Variants in C2CD3 observed in about 807,000 individuals in gnomAD.
C2CD3 encodes the protein C2 domain containing 3 centriole elongation regulator, also known as C2 domain-containing protein 3.
C2CD3 carries 148 observed loss-of-function variants against 234.0 expected under a neutral mutation model. That is an observed-to-expected ratio of 0.63 (90% confidence interval 0.55 to 0.72). The LOEUF (loss-of-function observed/expected upper bound fraction) is 0.72, where lower values mean the gene tolerates loss of function less well. Among genes scored for constraint, C2CD3 ranks in the 30% least tolerant of loss-of-function variants. C2CD3 has a pLI of 0.00. For missense variants in C2CD3, 2,577 were observed against 2,811.5 expected (o/e 0.92, Z 1.89); for synonymous variants, 1,000 against 1,035.4 (o/e 0.97, Z 0.66).
chr11:74,077,982 A>G, intron 23 of C2CD3, 133 bp downstream of exon 23: 3 of 1,054,426 alleles, frequency 2.8e-6, no homozygotes, highest in Non-Finnish European at 4.0e-6. Flanking sequence ...ATGAATGTAA[A>G]ATGGGTATAA....
chr11:74,021,292 G>A (rs548497227), intron 32 of C2CD3, among the ~76,000 whole-genome samples: 57 of 152,186 alleles, frequency 3.7e-4, no homozygotes, highest in Non-Finnish European at 7.4e-4. Context: ...CCCCCCTCCA[G>A]AGTTCAGCTG....
chr11:74,147,363 GTCATGATCTAACCACTGCAT>G (rs1378821238), intron 3 of C2CD3, among the ~76,000 whole-genome samples: 1 of 152,072 alleles, frequency 6.6e-6, no homozygotes, highest in African/African-American at 2.4e-5. Flanking sequence ...GCTGCAGTGA[GTCATGATCTAACCACTGCAT>G]TCCAGCTTGG....
At chr11:74,055,983 G>C (rs1565235725) in intron 25 of C2CD3, among the ~76,000 whole-genome samples, 1 of 152,180 alleles carries the variant, frequency 6.6e-6, no homozygotes, top group African/African-American at 2.4e-5. Context: ...TCAGTCCTCT[G>C]GTTTCCTGCC....
Position 74,139,758 on chromosome 11 carries a change from G to C in C2CD3, c.554C>G (p.Thr185Arg), listed in dbSNP as rs1285022120. The C allele has an allele frequency of 2.5e-6, 4 of 1,613,612 alleles. No individual in the cohort carries two copies. Among genetic ancestry groups the C allele is most frequent in the Non-Finnish European group, 3.4e-6 (4 of 1,179,670 alleles). ...CTGCTTAGATAAAAGCACATTTTCT[G>C]TCATGTCAGTGGTAGGAAGTGGATG... ...SYHPLPTTDM[T>R]ENVLLSKQGF... The change falls in exon 4 of 33, where the codon ACA becomes AGA. Residue 185 changes from threonine (T) to arginine (R), a missense_variant. Coordinates refer to ENST00000334126, the MANE Select transcript of C2CD3 (RefSeq NM_001286577.2).
At chr11:74,079,672 TG>T (rs2135467401) in intron 22 of C2CD3, among the ~76,000 whole-genome samples, 1 of 151,918 alleles carries the variant, frequency 6.6e-6, no homozygotes, top group Admixed American at 6.6e-5. Flanking sequence ...GATGAGAAAG[TG>T]GAAGCTCAGA....
At chr11:74,133,011 C>T in intron 6 of C2CD3, 39 bp from the exon 7 acceptor site, 6 of 1,602,058 alleles carry the variant, frequency 3.7e-6, no homozygotes, top group Non-Finnish European at 5.1e-6. Flanking sequence ...GAGTGGCTAA[C>T]AGATGGAAAA....
chr11:74,063,196 G>C (rs1288289942), intron 24 of C2CD3, among the ~76,000 whole-genome samples: 1 of 152,120 alleles, frequency 6.6e-6, no homozygotes, highest in Non-Finnish European at 1.5e-5. Flanking sequence ...ATCTACCAGA[G>C]GTACAAAGAG....
chr11:74,166,750 T>A (rs1215918652), intron 2 of C2CD3, among the ~76,000 whole-genome samples: 1 of 152,242 alleles, frequency 6.6e-6, no homozygotes, highest in Admixed American at 6.5e-5. Flanking sequence ...GGAATACATC[T>A]CAAATCTCTG....
At chr11:74,168,683 G>T (rs1190579169) in intron 1 of C2CD3, 70 bp from the exon 2 acceptor site, 5 of 1,388,022 alleles carry the variant, frequency 3.6e-6, no homozygotes, top group Non-Finnish European at 5.0e-6. Flanking sequence ...TATGCTTTTT[G>T]AATGAAAACA....
intron 24 of C2CD3, among the ~76,000 whole-genome samples, chr11:74,060,344 T>A (rs1033839621): frequency 1.3e-5 from 2 of 152,144 alleles, no homozygotes; most frequent in African/African-American, 2.4e-5. Context: ...GACCCCTGAG[T>A]AGCCTAACTG....
chr11:74,143,303 C>A (rs1015983171), intron 3 of C2CD3, among the ~76,000 whole-genome samples: 2 of 152,086 alleles, frequency 1.3e-5, no homozygotes, highest in Non-Finnish European at 2.9e-5. Flanking sequence ...TTTTCACAAT[C>A]ATGTTGGTCA....
chr11:74,093,486 G>A lies in C2CD3; in HGVS notation c.3344+330C>T, dbSNP rs1041946716. ...TACCACAGTCATTTAGGCAAGATAT[G>A]AAAAGGGCCTGAACTAAATAAGGCA... On this transcript the variant is annotated intron_variant, in intron 18 of 32. Coordinates refer to ENST00000334126, the MANE Select transcript of C2CD3 (RefSeq NM_001286577.2). Among the ~76,000 whole-genome samples the A allele has an allele frequency of 4.9e-4, 75 of 151,742 alleles. 1 individual carries two copies. The highest frequency in any genetic ancestry group is 1.8e-3 in the African/African-American group (74 of 41,320).
intron 3 of C2CD3, among the ~76,000 whole-genome samples, chr11:74,157,898 T>C (rs907657461): frequency 3.3e-5 from 5 of 152,322 alleles, no homozygotes; most frequent in Admixed American, 1.3e-4. Context: ...CTTATCTCTG[T>C]ATATCCCAAG....
Position 74,090,677 on chromosome 11 carries a change from C to G in C2CD3, c.3641+136G>C, listed in dbSNP as rs541799966. 4.2e-6 allele frequency: 4 copies of G among 957,490 alleles called. No homozygotes were observed. In the East Asian group the frequency reaches 9.7e-5, roughly 23 times the overall value. The allele number at this position is 957,490 out of a possible 1,614,324, so 59.3% of individuals were successfully genotyped here. The stretch of plus-strand genomic sequence containing the variant: ...AGTGATTTACTCATATTCTGAAATG[C>G]TTTATTAACAGAAAAAGAGGAGTTG... On this transcript the variant is annotated intron_variant, in intron 20 of 32. Coordinates refer to ENST00000334126, the MANE Select transcript of C2CD3 (RefSeq NM_001286577.2).
At chr11:74,041,741 G>A (rs1012076901) in intron 29 of C2CD3, among the ~76,000 whole-genome samples, 2 of 152,184 alleles carry the variant, frequency 1.3e-5, no homozygotes, top group Non-Finnish European at 2.9e-5. Context: ...TGGTCTGGAC[G>A]AAGTAAATGG....
At chr11:74,089,604 T>A (rs1955798137) in intron 20 of C2CD3, among the ~76,000 whole-genome samples, 1 of 152,238 alleles carries the variant, frequency 6.6e-6, no homozygotes, top group African/African-American at 2.4e-5. Flanking sequence ...GGAGCACTTG[T>A]CTGTTTCTTT....
intron 24 of C2CD3, among the ~76,000 whole-genome samples, chr11:74,059,410 CAAAAAAAAAAAAAAAA>C (rs57052333): frequency 3.3e-5 from 1 of 29,958 alleles, no homozygotes; most frequent in African/African-American, 1.4e-4. Context: ...GACTCTGTCT[CAAAAAAAAAAAAAAAA>C]AAAAAAAAAG....
At chr11:74,079,887 A>G (rs1217749660) in intron 22 of C2CD3, among the ~76,000 whole-genome samples, 1 of 152,132 alleles carries the variant, frequency 6.6e-6, no homozygotes, top group Non-Finnish European at 1.5e-5. Flanking sequence ...ATATAATATT[A>G]TATATCAGGG....
rs1191310359 is a variant in C2CD3, at chr11:74,109,165, C to A, written c.1844-13G>T. ...TGGAACTTCACCTCTGTAAGGAGAA[C>A]CAGACACACAGACATGTCACACCAC... On this transcript the variant is annotated splice_polypyrimidine_tract_variant and intron_variant, in intron 11 of 32. Transcript: ENST00000334126. 5 of 1,427,832 alleles carry A rather than the reference C, an allele frequency of 3.5e-6. No individual in the cohort carries two copies. The highest frequency in any genetic ancestry group is 4.8e-6 in the Non-Finnish European group (5 of 1,043,254). 88.4% of individuals were successfully genotyped at this position (1,427,832 alleles called of 1,614,324 possible).
Sources: allele counts gnomAD v4.1 joint callset (sites outside exome capture counted in the v4.1 genomes callset), GRCh38; gene constraint gnomAD v4.1.1; transcripts MANE v1.5; gene names NCBI Gene and HGNC (gene_info 2026-07-23, HGNC 2026-07-21).